RBM39: variants seen among roughly 807,000 people sequenced by gnomAD.
RBM39 encodes RNA-binding protein 39.
Under a neutral mutation model 79.6 loss-of-function variants are expected in RBM39, and 12 were observed. The ratio of observed to expected loss-of-function variants is 0.15; its 90% confidence interval spans 0.10 to 0.24. RBM39 has a LOEUF of 0.24. Among genes scored for constraint, RBM39 ranks in the 10% least tolerant of loss-of-function variants. The pLI is 1.00. For missense variants in RBM39, 243 were observed against 653.4 expected, an observed-to-expected ratio of 0.37 and a Z score of 6.85; for synonymous variants, 185 against 208.4, an observed-to-expected ratio of 0.89 and a Z score of 0.97.
chr20:35,715,542 T>C (rs2037004100), intron 10 of RBM39, among the ~76,000 whole-genome samples: 2 of 152,114 alleles, frequency 1.3e-5, no homozygotes. Flanking sequence ...AAAAGGATCT[T>C]TAGTAAAAAA....
At chr20:35,704,876 C>T in intron 15 of RBM39, 130 bp from the exon 16 acceptor site, 1 of 716,916 alleles carries the variant, frequency 1.4e-6, no homozygotes, top group Non-Finnish European at 2.3e-6. Flanking sequence ...AATGGTTCCA[C>T]TGGCTAATAG....
At position 35,735,104 on chromosome 20, in the gene RBM39, GAA is replaced by G. The variant is rs1218968687; in HGVS notation, c.102-2971_102-2970del. 4.0e-6 allele frequency: 6 copies of G among 1,515,590 alleles called. No homozygotes were observed. In the Middle Eastern group the frequency reaches 5.3e-4, roughly 134 times the overall value. 93.9% of individuals were successfully genotyped at this position (1,515,590 alleles called of 1,614,324 possible). The stretch of plus-strand genomic sequence containing the variant: ...ATTCTGGAAAATAAGAAAAAAAATA[GAA>G]AAGTCATTTATTCCAAAATTTATAG... On this transcript the variant is annotated intron_variant, in intron 3 of 16. Transcript: ENST00000253363.
rs754407769 is a variant in RBM39, at chr20:35,705,322, T to A, written c.1316A>T (p.Glu439Val). 3.2e-6 allele frequency: 5 copies of A among 1,574,510 alleles called. No individual in the cohort carries two copies. Among genetic ancestry groups the A allele is most frequent in the Non-Finnish European group, 1.7e-6 (2 of 1,157,492 alleles). The change falls in exon 15 of 17, where the codon GAA (glutamate) becomes GTA (valine). Residue 439 changes from glutamate to valine, a missense_variant. Glu to Val is a moderately radical substitution (Grantham distance 121). Transcript: ENST00000253363. The part of the protein sequence containing the change: ...SNMFNPQTEE[E>V]VGWDTEIKDD... ...CTTAATCTCGGTATCCCATCCAACTTCTTCTTCTCTGTAAGAAAGTATTAA... is the reference window on the plus strand; with the variant it reads ...CTTAATCTCGGTATCCCATCCAACTACTTCTTCTCTGTAAGAAAGTATTAA...
chr20:35,719,459 T>C (rs1033979733), intron 9 of RBM39, among the ~76,000 whole-genome samples: 3 of 152,136 alleles, frequency 2.0e-5, no homozygotes, highest in African/African-American at 4.8e-5. Context: ...GACAACACTT[T>C]GGGACACCGA....
At chr20:35,740,719 TA>T in intron 2 of RBM39, 104 bp downstream of exon 2, 1 of 1,346,562 alleles carries the variant, frequency 7.4e-7, no homozygotes, top group Non-Finnish European at 1.1e-6. Context: ...TCTGATAAGA[TA>T]AATCAAGAGG....
At chr20:35,706,425 GT>G (rs1417705498) in intron 14 of RBM39, among the ~76,000 whole-genome samples, 7 of 152,088 alleles carry the variant, frequency 4.6e-5, no homozygotes, top group African/African-American at 1.7e-4. Flanking sequence ...AGTAAATTTG[GT>G]ACTGGGAAAA....
In RBM39 at chr20:35,704,129, A is replaced by G. The variant is rs2035454933; in HGVS notation, c.*352T>C. The G allele has an allele frequency of 5.9e-6, 1 of 169,468 alleles. No individual in the cohort carries two copies. Among genetic ancestry groups the G allele is most frequent in the Non-Finnish European group, 1.3e-5 (1 of 77,252 alleles). The allele number at this position is 169,468 out of a possible 1,614,324, so 10.5% of individuals were successfully genotyped here. A position where few individuals can be genotyped will look rare whatever the true frequency, so the allele number is the denominator to read the frequency against. ...CATTAGTGAAATGTGAAATGTAACC[A>G]CTGTGTAAAAAGTTAGGCTTCTGAA... is the stretch of plus-strand genomic sequence containing the variant. On this transcript the variant is annotated 3_prime_UTR_variant, in exon 17 of 17. Coordinates refer to ENST00000253363, the MANE Select transcript of RBM39 (RefSeq NM_184234.3).
At chr20:35,709,192 CAAAAAT>C in intron 13 of RBM39, 26 bp downstream of exon 13, 4 of 1,557,034 alleles carry the variant, frequency 2.6e-6, no homozygotes, top group Non-Finnish European at 3.5e-6. Context: ...ATTTCAAAGA[CAAAAAT>C]AAAAAATATG....
At chr20:35,739,861 A>C (rs1274067871) in intron 2 of RBM39, 1 of 177,130 alleles carries the variant, frequency 5.6e-6, no homozygotes, top group Non-Finnish European at 1.2e-5. Flanking sequence ...GTTTAGTGAA[A>C]TGTTTATTTT....
At chr20:35,707,323 T>G (rs2035864719) in intron 13 of RBM39, 122 bp from the exon 14 acceptor site, 1 of 517,324 alleles carries the variant, frequency 1.9e-6, no homozygotes, top group Non-Finnish European at 3.4e-6. Context: ...CTGGAGTTAT[T>G]TTACCTTATT....
At chr20:35,728,535 T>C (rs1418033729) in intron 6 of RBM39, among the ~76,000 whole-genome samples, 2 of 152,100 alleles carry the variant, frequency 1.3e-5, no homozygotes, top group African/African-American at 4.8e-5. Context: ...TCCCAGCACT[T>C]TGGGAGGCTG....
intron 6 of RBM39, among the ~76,000 whole-genome samples, chr20:35,728,182 T>G (rs1002875875): frequency 1.3e-5 from 2 of 152,220 alleles, no homozygotes; most frequent in African/African-American, 4.8e-5. Flanking sequence ...TGAGATGAAA[T>G]AGTTTTCCTC....
rs115408581 is a variant in RBM39, at chr20:35,708,484, A to T, written c.1225+740T>A. Among the ~76,000 whole-genome samples the T allele has an allele frequency of 9.7e-3, 1,478 of 152,278 alleles. 26 individuals are homozygous for T. Among genetic ancestry groups the T allele is most frequent in the African/African-American group, 0.034 (1,412 of 41,566 alleles). On this transcript the variant is annotated intron_variant, in intron 13 of 16. Transcript: ENST00000253363. ...CACAGTAAATCTAGGAAAATCTTTT[A>T]AAAATCTCTTAACAAAACAGCACTG... is the stretch of plus-strand genomic sequence containing the variant.
intron 8 of RBM39, among the ~76,000 whole-genome samples, chr20:35,723,487 G>C (rs1468963597): frequency 6.6e-6 from 1 of 152,188 alleles, no homozygotes; most frequent in Non-Finnish European, 1.5e-5. Flanking sequence ...CGCCCAGGCT[G>C]CAGTGCAATG....
intron 3 of RBM39, chr20:35,732,925 T>C (rs954814099): frequency 1.2e-4 from 18 of 152,226 alleles, no homozygotes; most frequent in African/African-American, 4.3e-4. Flanking sequence ...CATTTACATA[T>C]GGAAATATTT....
Position 35,739,003 on chromosome 20 carries a change from C to A in RBM39, c.66G>T (p.Leu22Phe). 1 of 1,613,192 alleles carries A rather than the reference C, an allele frequency of 6.2e-7. No homozygotes were observed. The highest frequency in any genetic ancestry group is 1.1e-5 in the South Asian group (1 of 91,028). The change falls in exon 3 of 17, where the codon TTG (leucine) becomes TTT (phenylalanine). Residue 22 changes from leucine to phenylalanine, a missense_variant. Around this residue, in one of 4 missense-constraint regions of RBM39, gnomAD observed 115 missense variants for 184.1 expected, o/e 0.62. Coordinates refer to ENST00000253363, the MANE Select transcript of RBM39 (RefSeq NM_184234.3). ...GTTCTTCATGGCCGTTGGCACTGCT[C>A]AACTTGTTCTCATCCTAAGCAGGGT... ...EAPYKKDENK[L>F]SSANGHEERS...
intron 6 of RBM39, among the ~76,000 whole-genome samples, chr20:35,727,963 G>C (rs538342520): frequency 4.0e-5 from 6 of 151,670 alleles, no homozygotes; most frequent in East Asian, 1.9e-4. Context: ...AATTTTTGTA[G>C]TTTTAGTAGA....
At chr20:35,714,445 A>G (rs1225757037) in intron 10 of RBM39, 56 bp from the exon 11 acceptor site, 2 of 1,496,420 alleles carry the variant, frequency 1.3e-6, no homozygotes, top group Admixed American at 4.9e-5. Context: ...TAAAATACAA[A>G]CTATACTTAA....
intron 3 of RBM39, among the ~76,000 whole-genome samples, chr20:35,736,955 CT>C (rs1183611746): frequency 4.0e-5 from 6 of 149,420 alleles, no homozygotes; most frequent in Admixed American, 6.7e-5. Flanking sequence ...CAAGCCCAGA[CT>C]TTTTTTTTAA....
Sources: gnomAD v4.1 joint callset for allele counts (sites outside exome capture counted in the v4.1 genomes callset) on GRCh38, gnomAD v4.1.1 for gene constraint, gnomAD v4.1.1 regional missense constraint, MANE v1.5 for transcripts, NCBI Gene and HGNC (gene_info 2026-07-23, HGNC 2026-07-21) for gene names.